The following HDAC9 variants were observed in gnomAD, a reference collection of about 807,000 sequenced individuals.
HDAC9 encodes histone deacetylase 9, also known as MEF-2 interacting transcription repressor (MITR) protein.
A neutral mutation model predicts 139.4 loss-of-function variants in HDAC9; 41 were observed. The ratio of observed to expected loss-of-function variants is 0.29; its 90% CI spans 0.23 to 0.38. The LOEUF is 0.38. HDAC9 is among the 10% of genes least tolerant of loss of function. HDAC9 has a pLI of 1.00. For missense variants in HDAC9, 1,147 were observed against 1,297.0 expected, an observed-to-expected ratio of 0.88 and a Z score of 1.78; for synonymous variants, 517 against 476.2, an observed-to-expected ratio of 1.09 and a Z score of -1.12.
At chr7:18,609,846 G>A (rs570058748) in intron 6 of HDAC9, among the ~76,000 whole-genome samples, 1 of 145,964 alleles carries the variant, frequency 6.9e-6, no homozygotes, top group South Asian at 2.1e-4. Context: ...TGTTCTCATT[G>A]TTCAGTTCCC....
Position 18,393,424 on chromosome 7 carries a change from G to T in HDAC9, c.-41-102838G>T, listed in dbSNP as rs373917469. ...ACAGAGGAGATTTGCAGCAAATGCA[G>T]CAAAATGGTCACCTGTTTTAAATCA... On this transcript the variant is annotated intron_variant, in intron 1 of 3. Coordinates refer to the HDAC9 transcript ENST00000413509. 6.3e-4 allele frequency among the ~76,000 whole-genome samples: 96 copies of T among 152,224 alleles called. 1 individual carries two copies. In the South Asian group the frequency reaches 0.018, roughly 29 times the overall value.
chr7:18,407,623 A>T (rs1228672902), intron 1 of HDAC9, among the ~76,000 whole-genome samples: 1 of 152,206 alleles, frequency 6.6e-6, no homozygotes, highest in Non-Finnish European at 1.5e-5. Flanking sequence ...ACTTAATAAC[A>T]TTACAATGCA....
chr7:18,418,531 T>C (rs993271571), intron 1 of HDAC9, among the ~76,000 whole-genome samples: 1 of 152,036 alleles, frequency 6.6e-6, no homozygotes, highest in Non-Finnish European at 1.5e-5. Flanking sequence ...GGAAGTGTTT[T>C]CCAAAGTCAC....
rs149336081 is a variant in HDAC9, at chr7:18,470,278, A to G, written c.-41-25984A>G. On this transcript the variant is annotated intron_variant, in intron 1 of 3. Coordinates refer to the HDAC9 transcript ENST00000413509. ...CAGTGAGCTATGGTTGCACCACTGTACTCCAACCTGGGTGACAGAGGGAGA... is the reference window on the plus strand; with the variant it reads ...CAGTGAGCTATGGTTGCACCACTGTGCTCCAACCTGGGTGACAGAGGGAGA... Among the ~76,000 whole-genome samples, 171 of 151,918 alleles carry G rather than the reference A, an allele frequency of 1.1e-3. 1 individual carries two copies. The highest frequency in any genetic ancestry group is 3.7e-3 in the African/African-American group (155 of 41,410).
chr7:18,635,842 AG>A (rs1256584337), intron 8 of HDAC9, among the ~76,000 whole-genome samples: 2 of 152,082 alleles, frequency 1.3e-5, no homozygotes, highest in Non-Finnish European at 2.9e-5. Flanking sequence ...TTCTGCTTAT[AG>A]GGAGCTCACT....
chr7:18,183,255 C>T (rs1389129691), intron 2 of HDAC9, among the ~76,000 whole-genome samples: 18 of 152,098 alleles, frequency 1.2e-4, no homozygotes, highest in Non-Finnish European at 2.4e-4. Flanking sequence ...GTGATCCGCC[C>T]GCCTCGGCCT....
At chr7:18,699,893 G>T (rs1437145067) in intron 12 of HDAC9, among the ~76,000 whole-genome samples, 1 of 151,876 alleles carries the variant, frequency 6.6e-6, no homozygotes, top group Non-Finnish European at 1.5e-5. Context: ...TATAAAATAT[G>T]TATATTTTTT....
At chr7:18,103,420 G>A (rs2731548) in intron 1 of HDAC9, among the ~76,000 whole-genome samples, 129,220 of 152,142 alleles carry the variant, frequency 0.85, 56,058 homozygotes, top group East Asian at 0.98. Flanking sequence ...TTGGGCATCT[G>A]TCGATCCCAT....
intron 2 of HDAC9, among the ~76,000 whole-genome samples, chr7:18,237,175 C>T: frequency 6.6e-6 from 1 of 152,140 alleles, no homozygotes; most frequent in South Asian, 2.1e-4. Flanking sequence ...GGGCAACTGG[C>T]TACGGAGAGT....
At chr7:18,937,335 G>T (rs1200701027) in intron 23 of HDAC9, among the ~76,000 whole-genome samples, 1 of 152,102 alleles carries the variant, frequency 6.6e-6, no homozygotes, top group Admixed American at 6.6e-5. Context: ...ACCGTGCCTG[G>T]CTGTCTTGTT....
intron 2 of HDAC9, among the ~76,000 whole-genome samples, chr7:18,564,102 T>C (rs1300787365): frequency 1.3e-5 from 2 of 152,156 alleles, no homozygotes; most frequent in African/African-American, 4.8e-5. Flanking sequence ...CCCAAAGTGC[T>C]GGGATTACAG....
chr7:18,737,146 T>C (rs973109183), intron 13 of HDAC9, among the ~76,000 whole-genome samples: 6 of 152,216 alleles, frequency 3.9e-5, no homozygotes, highest in African/African-American at 1.4e-4. Flanking sequence ...TTGGTCTTGC[T>C]AGCAGTCTAT....
chr7:18,706,746 GAC>G (rs1164858661), intron 12 of HDAC9, among the ~76,000 whole-genome samples: 1 of 152,134 alleles, frequency 6.6e-6, no homozygotes, highest in Non-Finnish European at 1.5e-5. Flanking sequence ...CAATATATAG[GAC>G]AGAGCCCAAC....
chr7:18,872,640 T>C (rs1458615213), intron 21 of HDAC9, among the ~76,000 whole-genome samples: 1 of 152,176 alleles, frequency 6.6e-6, no homozygotes, highest in Non-Finnish European at 1.5e-5. Flanking sequence ...GCACTTATAC[T>C]CTGTAGATCA....
chr7:18,213,768 T>G (rs1792109855), intron 2 of HDAC9, among the ~76,000 whole-genome samples: 1 of 152,176 alleles, frequency 6.6e-6, no homozygotes. Flanking sequence ...GAAAAGCGTA[T>G]TTAAGCCCTG....
chr7:18,911,626 T>C (rs570120247), intron 22 of HDAC9, among the ~76,000 whole-genome samples: 8 of 151,882 alleles, frequency 5.3e-5, no homozygotes, highest in African/African-American at 1.9e-4. Context: ...TGAAATCTAT[T>C]GTTTATTGCT....
chr7:18,366,054 G>T (rs769659137), intron 1 of HDAC9, among the ~76,000 whole-genome samples: 9 of 150,958 alleles, frequency 6.0e-5, no homozygotes, highest in Non-Finnish European at 1.0e-4. Context: ...CAAATGGCAG[G>T]CTATTTGAAA....
At chr7:18,259,540 T>C (rs1372041345) in intron 2 of HDAC9, among the ~76,000 whole-genome samples, 1 of 152,108 alleles carries the variant, frequency 6.6e-6, no homozygotes, top group Non-Finnish European at 1.5e-5. Context: ...TTTTTAGTAT[T>C]TTTTTGTAGA....
intron 11 of HDAC9, among the ~76,000 whole-genome samples, chr7:18,653,584 T>C (rs1055575179): frequency 6.6e-6 from 1 of 152,158 alleles, no homozygotes; most frequent in Non-Finnish European, 1.5e-5. Context: ...ATTACTGTGA[T>C]ACTTAGGCAT....
Sources: gnomAD v4.1 joint callset for allele counts (sites outside exome capture counted in the v4.1 genomes callset) on GRCh38, gnomAD v4.1.1 for gene constraint, MANE v1.5 for transcripts, NCBI Gene and HGNC (gene_info 2026-07-23, HGNC 2026-07-21) for gene names.